Variants in LANCL2 observed in about 807,000 individuals in gnomAD.
LANCL2 encodes the protein LanC like glutathione S-transferase 2, also known as lanC-like protein 2.
LANCL2 carries 33 observed loss-of-function variants against 56.9 expected under a neutral mutation model. That is an observed-to-expected ratio of 0.58 (90% CI 0.44 to 0.78). The LOEUF is 0.78. Among genes scored for constraint, LANCL2 ranks in the 30% least tolerant of loss-of-function variants. LANCL2 has a pLI of 0.00. For missense variants in LANCL2, 562 were observed against 580.2 expected, an observed-to-expected ratio of 0.97 and a Z score of 0.32; for synonymous variants, 233 against 228.2, an observed-to-expected ratio of 1.02 and a Z score of -0.19.
intron 4 of LANCL2, 134 bp from the exon 5 acceptor site, chr7:55,401,040 C>G (rs1414032689): frequency 1.9e-6 from 1 of 519,338 alleles, no homozygotes; most frequent in African/African-American, 1.9e-5. Context: ...TAGCTGCTAA[C>G]TGCTTAAAGA....
intron 1 of LANCL2, among the ~76,000 whole-genome samples, chr7:55,386,021 G>T (rs1182055080): frequency 6.6e-6 from 1 of 152,208 alleles, no homozygotes; most frequent in African/African-American, 2.4e-5. Context: ...GTTCTGCCCG[G>T]CTCACTGGCG....
intron 1 of LANCL2, among the ~76,000 whole-genome samples, chr7:55,368,065 T>C (rs1789895243): frequency 6.6e-6 from 1 of 152,226 alleles, no homozygotes; most frequent in Non-Finnish European, 1.5e-5. Flanking sequence ...AGTACTATCC[T>C]TGGAGTAGGT....
At chr7:55,371,910 T>TGA (rs1491349855) in intron 1 of LANCL2, among the ~76,000 whole-genome samples, 12 of 145,406 alleles carry the variant, frequency 8.3e-5, no homozygotes, top group African/African-American at 2.3e-4. Context: ...TGAACTAAAT[T>TGA]GTGTGTGTGT....
chr7:55,366,323 CGGGCT>C, intron 1 of LANCL2, 94 bp downstream of exon 1: 1 of 1,176,888 alleles, frequency 8.5e-7, no homozygotes. Context: ...AGGCGCGCGC[CGGGCT>C]TGGGAGGGCG....
At chr7:55,419,371 G>T (rs1438408783) in intron 6 of LANCL2, among the ~76,000 whole-genome samples, 1 of 146,586 alleles carries the variant, frequency 6.8e-6, no homozygotes, top group Non-Finnish European at 1.5e-5. Flanking sequence ...AGTAAGGTCT[G>T]AAGTGATAGT....
intron 1 of LANCL2, 63 bp from the exon 2 acceptor site, chr7:55,391,730 G>T: frequency 1.1e-6 from 1 of 889,486 alleles, no homozygotes. Context: ...AGACTTTAAA[G>T]TATTTATTGC....
intron 1 of LANCL2, among the ~76,000 whole-genome samples, chr7:55,371,236 GGTTTT>G (rs1193878662): frequency 1.3e-5 from 2 of 151,976 alleles, no homozygotes; most frequent in Admixed American, 6.6e-5. Context: ...TATAGTTTTG[GGTTTT>G]GTTTTGTTTT....
intron 7 of LANCL2, among the ~76,000 whole-genome samples, chr7:55,426,007 A>G (rs1384598978): frequency 6.6e-6 from 1 of 152,092 alleles, no homozygotes; most frequent in Admixed American, 6.5e-5. Context: ...CTAAGAACGG[A>G]GTGTGTCACT....
Position 55,411,966 on chromosome 7 carries a change from T to TG in LANCL2, c.886dup (p.Val296GlyfsTer18). The TG allele has an allele frequency of 6.2e-7, 1 of 1,614,252 alleles. No individual in the cohort carries two copies. The highest frequency in any genetic ancestry group is 8.5e-7 in the Non-Finnish European group (1 of 1,180,040). ...AAATGGTGAAACCCAGTATTGATTA[T>TG]GTGCGCCACAAAAAATTCCGATCTG... On this transcript the variant is annotated frameshift_variant, in exon 6 of 9. Coordinates refer to ENST00000254770, the MANE Select transcript of LANCL2 (RefSeq NM_018697.4). LOFTEE classifies it high-confidence loss of function.
At chr7:55,415,002 G>A (rs815985) in intron 6 of LANCL2, among the ~76,000 whole-genome samples, 63,531 of 114,942 alleles carry the variant, frequency 0.55, 19,107 homozygotes, top group Middle Eastern at 0.64. Context: ...AAAAAAAAAA[G>A]AAAAGAAAAG....
rs1490925901 is a variant in LANCL2 at position 55,412,522 on chromosome 7, T to C, written c.1008+433T>C. Among the ~76,000 whole-genome samples the C allele has an allele frequency of 2.6e-5, 4 of 152,260 alleles. No individual in the cohort carries two copies. In the East Asian group the frequency reaches 5.8e-4, roughly 22 times the overall value. ...AGAACTTTTGAGTTTAAAATTGTTA[T>C]GTTATTCTCAAGACATAGTGGTACT... is the stretch of plus-strand genomic sequence containing the variant. On this transcript the variant is annotated intron_variant, in intron 6 of 8. Coordinates refer to ENST00000254770, the MANE Select transcript of LANCL2 (RefSeq NM_018697.4).
intron 5 of LANCL2, among the ~76,000 whole-genome samples, chr7:55,408,776 T>C (rs1482024839): frequency 6.6e-6 from 1 of 151,962 alleles, no homozygotes; most frequent in Non-Finnish European, 1.5e-5. Context: ...ATGCCCGTTA[T>C]TGTGAAAGCT....
intron 6 of LANCL2, among the ~76,000 whole-genome samples, chr7:55,417,000 G>A (rs1790549799): frequency 1.9e-5 from 1 of 53,202 alleles, no homozygotes; most frequent in African/African-American, 6.8e-5. Context: ...TTTTTTTGGA[G>A]ACAGAGTCTC....
At chr7:55,406,221 G>A (rs897891139) in intron 5 of LANCL2, among the ~76,000 whole-genome samples, 1 of 152,174 alleles carries the variant, frequency 6.6e-6, no homozygotes, top group Non-Finnish European at 1.5e-5. Context: ...TCAGAAAATG[G>A]TGGCACAAGC....
chr7:55,423,848 T>G (rs1790634283), intron 6 of LANCL2, among the ~76,000 whole-genome samples: 1 of 152,236 alleles, frequency 6.6e-6, no homozygotes, highest in East Asian at 1.9e-4. Flanking sequence ...TAGCAGCCTT[T>G]GTGACTGATA....
intron 5 of LANCL2, among the ~76,000 whole-genome samples, chr7:55,407,830 G>A (rs962572733): frequency 5.9e-5 from 9 of 152,192 alleles, no homozygotes; most frequent in East Asian, 5.8e-4. Flanking sequence ...TACACATCCC[G>A]TTGGTCTACT....
Position 55,365,995 on chromosome 7 carries a change from G to A in LANCL2, c.-31G>A, listed in dbSNP as rs780343199. On this transcript the variant is annotated 5_prime_UTR_variant, in exon 1 of 9. Coordinates refer to ENST00000254770, the MANE Select transcript of LANCL2 (RefSeq NM_018697.4). ...GCTGCAGCGCCGGGACAGGAGGTTTGTCCCCGCCCGCGCGCCGTACCGCGG... is the reference window on the plus strand; with the variant it reads ...GCTGCAGCGCCGGGACAGGAGGTTTATCCCCGCCCGCGCGCCGTACCGCGG... 6 of 1,408,694 alleles carry A rather than the reference G, an allele frequency of 4.3e-6. No homozygotes were observed. Among genetic ancestry groups the A allele is most frequent in the Non-Finnish European group, 4.7e-6 (5 of 1,074,174 alleles). The allele number at this position is 1,408,694 out of a possible 1,614,324, so 87.3% of individuals were successfully genotyped here.
intron 5 of LANCL2, among the ~76,000 whole-genome samples, chr7:55,405,970 C>T (rs997323610): frequency 2.0e-5 from 3 of 152,084 alleles, no homozygotes; most frequent in Admixed American, 1.3e-4. Flanking sequence ...TGCAGAACTA[C>T]GATTCAGAAA....
chr7:55,373,275 A>ATATTTATTTATTTATTTATT (rs55805701), intron 1 of LANCL2, among the ~76,000 whole-genome samples: 15 of 148,046 alleles, frequency 1.0e-4, no homozygotes, highest in African/African-American at 3.7e-4. Flanking sequence ...AATTTTTTAA[A>ATATTTATTTATTTATTTATT]TATTTATTTA....
Sources: allele counts gnomAD v4.1 joint callset (sites outside exome capture counted in the v4.1 genomes callset), GRCh38; gene constraint gnomAD v4.1.1; transcripts MANE v1.5; gene names NCBI Gene and HGNC (gene_info 2026-07-23, HGNC 2026-07-21).